Variants in PDE6D observed in about 807,000 individuals in gnomAD.
PDE6D encodes the protein phosphodiesterase 6D, also known as retinal rod rhodopsin-sensitive cGMP 3',5'-cyclic phosphodiesterase subunit delta.
PDE6D carries 10 observed loss-of-function variants against 21.9 expected under a neutral mutation model. The observed-to-expected ratio is 0.46, with a 90% confidence interval of 0.28 to 0.78. The LOEUF is 0.78. PDE6D is among the 30% of genes least tolerant of loss of function. The pLI, the probability that PDE6D is intolerant of heterozygous loss-of-function variation, is 0.12. For missense variants in PDE6D, 139 were observed against 184.8 expected, an observed-to-expected ratio of 0.75 and a Z score of 1.44; for synonymous variants, 59 against 63.5, an observed-to-expected ratio of 0.93 and a Z score of 0.34.
intron 1 of PDE6D, among the ~76,000 whole-genome samples, chr2:231,742,670 G>A (rs568591439): frequency 1.3e-5 from 2 of 152,064 alleles, no homozygotes; most frequent in South Asian, 4.1e-4. Context: ...CTTTTTTTTG[G>A]TTTTCTTTTT....
At chr2:231,770,652 T>A (rs1027138379) in intron 1 of PDE6D, among the ~76,000 whole-genome samples, 1 of 151,852 alleles carries the variant, frequency 6.6e-6, no homozygotes, top group African/African-American at 2.4e-5. Flanking sequence ...ATCTGGTCTC[T>A]AAAAAAATAA....
intron 1 of PDE6D, 21 bp downstream of exon 1, chr2:231,781,044 G>A (rs1351126463): frequency 1.4e-5 from 22 of 1,607,874 alleles, no homozygotes; most frequent in Non-Finnish European, 1.8e-5. Flanking sequence ...TCCCGGCCCC[G>A]CCCCGCTCCC....
At chr2:231,780,982 G>GCGGCCC in intron 1 of PDE6D, 83 bp downstream of exon 1, 1 of 1,239,340 alleles carries the variant, frequency 8.1e-7, no homozygotes, top group Non-Finnish European at 1.2e-6. Flanking sequence ...CCCACCTGGC[G>GCGGCCC]CGGCCCCCGC....
chr2:231,778,249 G>A (rs905321267), intron 1 of PDE6D, among the ~76,000 whole-genome samples: 9 of 152,158 alleles, frequency 5.9e-5, no homozygotes, highest in African/African-American at 2.2e-4. Context: ...TTGGGCAACA[G>A]ACCAAGACTC....
chr2:231,750,728 G>A (rs1040298083), intron 1 of PDE6D, among the ~76,000 whole-genome samples: 18 of 137,098 alleles, frequency 1.3e-4, no homozygotes, highest in Admixed American at 2.4e-4. Context: ...GGCTGGTCTC[G>A]AACTCCTGAG....
chr2:231,772,775 GACAGTTTT>G (rs1447951514), intron 1 of PDE6D, among the ~76,000 whole-genome samples: 5 of 152,302 alleles, frequency 3.3e-5, no homozygotes, highest in South Asian at 2.1e-4. Flanking sequence ...AATTCTCCAT[GACAGTTTT>G]ACCGTGTTCT....
chr2:231,781,046 C>T lies in PDE6D; in HGVS notation c.50+19G>A, dbSNP rs1159863634. 5 of 1,610,236 alleles carry T rather than the reference C, an allele frequency of 3.1e-6. No individual in the cohort carries two copies. Among genetic ancestry groups the T allele is most frequent in the African/African-American group, 1.3e-5 (1 of 74,890 alleles). On this transcript the variant is annotated intron_variant, in intron 1 of 4. Transcript: ENST00000287600. Reference sequence around the variant, plus strand: ...GCCTCCCAAGTCCTCCCGGCCCCGCCCCGCTCCCGGACGGATACAGTTTGA... The same window carrying T: ...GCCTCCCAAGTCCTCCCGGCCCCGCTCCGCTCCCGGACGGATACAGTTTGA...
intron 1 of PDE6D, among the ~76,000 whole-genome samples, chr2:231,768,413 T>C (rs777949148): frequency 1.3e-5 from 2 of 152,118 alleles, no homozygotes; most frequent in Non-Finnish European, 2.9e-5. Context: ...GTTGTTGAGA[T>C]GGAGTCTCCC....
intron 1 of PDE6D, among the ~76,000 whole-genome samples, chr2:231,763,447 T>C (rs757915270): frequency 1.3e-5 from 2 of 152,166 alleles, no homozygotes; most frequent in Admixed American, 6.6e-5. Context: ...GGTGCAAATA[T>C]TGGGGATTCC....
intron 4 of PDE6D, among the ~76,000 whole-genome samples, chr2:231,734,854 A>AAC (rs1553555539): frequency 6.9e-6 from 1 of 145,880 alleles, no homozygotes; most frequent in African/African-American, 2.6e-5. Context: ...CTCAAAAAAA[A>AAC]AAACAAAAAA....
intron 1 of PDE6D, among the ~76,000 whole-genome samples, chr2:231,760,761 C>A (rs1409723131): frequency 6.6e-6 from 1 of 152,146 alleles, no homozygotes; most frequent in East Asian, 1.9e-4. Flanking sequence ...TAGTGTATTC[C>A]ACAGGTCAAA....
Position 231,739,305 on chromosome 2 carries a change from C to G in PDE6D, c.51-117G>C. On this transcript the variant is annotated intron_variant, in intron 1 of 4. Transcript: ENST00000287600. This position sits in a 1 kb window ranked among gnomAD's most constrained non-coding sequence, Gnocchi z 4.2. ...TTTACTTTTTAAAAAGTTTGTCAAA[C>G]TGCTCATTGCCATGGAAGCACATAA... is the stretch of plus-strand genomic sequence containing the variant. The G allele has an allele frequency of 1.3e-6, 1 of 766,550 alleles. No individual in the cohort carries two copies. Among genetic ancestry groups the G allele is most frequent in the Non-Finnish European group, 2.4e-6 (1 of 418,510 alleles). The allele number at this position is 766,550 out of a possible 1,614,324, so 47.5% of individuals were successfully genotyped here.
At chr2:231,741,777 A>G (rs1316846902) in intron 1 of PDE6D, among the ~76,000 whole-genome samples, 2 of 152,218 alleles carry the variant, frequency 1.3e-5, no homozygotes, top group African/African-American at 4.8e-5. Context: ...TAGTCATAGT[A>G]TAACTCATGG....
Position 231,781,241 on chromosome 2 carries a change from A to G in PDE6D, c.-127T>C. 1 of 828,762 alleles carries G rather than the reference A, an allele frequency of 1.2e-6. No individual in the cohort carries two copies. The highest frequency in any genetic ancestry group is 2.0e-6 in the Non-Finnish European group (1 of 506,418). 51.3% of individuals were successfully genotyped at this position (828,762 alleles called of 1,614,324 possible). On this transcript the variant is annotated 5_prime_UTR_variant, in exon 1 of 5. Transcript: ENST00000287600. ...TCGGGCTAGCAGCCGCAGCGGCCAG[A>G]CCAGGACCGGCCTCTCTCTCCCCTC...
In PDE6D at chr2:231,737,427, C is replaced by A. The variant is rs569031915; in HGVS notation, c.266-135G>T. The stretch of plus-strand genomic sequence containing the variant: ...GGAAGCTATCAGCAACCTCTCAGAC[C>A]AGGGGCGTAAAAAAGACAGGGAAGC... On this transcript the variant is annotated intron_variant, in intron 3 of 4. Transcript: ENST00000287600. The A allele has an allele frequency of 1.9e-5, 11 of 567,910 alleles. No homozygotes were observed. In the South Asian group the frequency reaches 2.2e-4, roughly 11 times the overall value. 35.2% of individuals were successfully genotyped at this position (567,910 alleles called of 1,614,324 possible).
At chr2:231,740,171 TTC>T (rs1334014488) in intron 1 of PDE6D, among the ~76,000 whole-genome samples, 1 of 152,218 alleles carries the variant, frequency 6.6e-6, no homozygotes, top group Non-Finnish European at 1.5e-5. Flanking sequence ...TTAACTGATG[TTC>T]TCTGTCAGAA....
At chr2:231,768,022 T>G (rs2048986190) in intron 1 of PDE6D, among the ~76,000 whole-genome samples, 1 of 151,926 alleles carries the variant, frequency 6.6e-6, no homozygotes, top group African/African-American at 2.4e-5. Flanking sequence ...ATTTTTGTAT[T>G]TTTGGTAGAG....
At chr2:231,770,635 T>C (rs1010640859) in intron 1 of PDE6D, among the ~76,000 whole-genome samples, 1 of 151,876 alleles carries the variant, frequency 6.6e-6, no homozygotes, top group African/African-American at 2.4e-5. Flanking sequence ...CTGGGCAACA[T>C]GGCAAAATCT....
At chr2:231,755,459 G>A (rs955382169) in intron 1 of PDE6D, among the ~76,000 whole-genome samples, 10 of 152,258 alleles carry the variant, frequency 6.6e-5, no homozygotes, top group African/African-American at 1.2e-4. Flanking sequence ...AGTGATTCAC[G>A]CCGAGCCTGT....
Sources: allele counts gnomAD v4.1 joint callset (sites outside exome capture counted in the v4.1 genomes callset), GRCh38; gene constraint gnomAD v4.1.1; non-coding constraint Gnocchi (gnomAD v3.1); transcripts MANE v1.5; gene names NCBI Gene and HGNC (gene_info 2026-07-23, HGNC 2026-07-21).